Variants in POU6F2 observed in about 807,000 individuals in gnomAD.
POU6F2 encodes POU class 6 homeobox 2, also known as POU domain, class 6, transcription factor 2.
POU6F2 carries 31 observed loss-of-function variants against 71.3 expected under a neutral mutation model. The ratio of observed to expected loss-of-function variants is 0.43; its 90% CI spans 0.33 to 0.59. The LOEUF (loss-of-function observed/expected upper bound fraction) is 0.59, where lower values mean the gene tolerates loss of function less well. POU6F2 is among the 20% of genes least tolerant of loss of function. POU6F2 has a pLI of 0.04. For synonymous variants in POU6F2, 347 were observed against 355.7 expected (o/e 0.98, Z 0.27); for missense variants, 783 against 856.8 (o/e 0.91, Z 1.07).
intron 1 of POU6F2, among the ~76,000 whole-genome samples, chr7:39,030,083 T>C (rs988478914): frequency 4.0e-4 from 61 of 152,204 alleles, no homozygotes; most frequent in African/African-American, 1.4e-3. Context: ...TTTAAAAGGC[T>C]TTTTAAAAAT....
chr7:39,143,866 A>G lies in POU6F2; in HGVS notation c.277+57835A>G, dbSNP rs533982403. Among the ~76,000 whole-genome samples the G allele has an allele frequency of 2.0e-5, 3 of 152,360 alleles. No individual in the cohort carries two copies. The South Asian group carries it at 6.2e-4, about 32-fold the overall frequency. On this transcript the variant is annotated intron_variant, in intron 2 of 9. Coordinates refer to ENST00000518318, the MANE Select transcript of POU6F2 (RefSeq NM_001370959.1). ...GAAGGATTATTGAACTACGTCAATT[A>G]TTGAAGAAACTGAATTCCTGAGAAA...
chr7:39,405,675 C>T (rs1270364473), intron 5 of POU6F2, among the ~76,000 whole-genome samples: 1 of 152,124 alleles, frequency 6.6e-6, no homozygotes, highest in Non-Finnish European at 1.5e-5. Context: ...TAGTCATTAA[C>T]CTAAATGCAG....
chr7:39,153,517 A>T (rs1792801896), intron 2 of POU6F2, among the ~76,000 whole-genome samples: 1 of 152,220 alleles, frequency 6.6e-6, no homozygotes, highest in Non-Finnish European at 1.5e-5. Flanking sequence ...GAGATTCTAG[A>T]TGTCAACAGA....
At chr7:39,331,699 C>T (rs944690500) in intron 4 of POU6F2, among the ~76,000 whole-genome samples, 4 of 152,036 alleles carry the variant, frequency 2.6e-5, no homozygotes, top group African/African-American at 2.4e-5. Flanking sequence ...TTAGTAGAGA[C>T]GGGGTTTCAC....
At chr7:39,343,615 T>G (rs190703123) in intron 5 of POU6F2, among the ~76,000 whole-genome samples, 109 of 152,142 alleles carry the variant, frequency 7.2e-4, no homozygotes, top group African/African-American at 2.6e-3. Flanking sequence ...TCTTGAGTGG[T>G]CTGGAGATAT....
At chr7:39,154,896 T>C (rs1343361071) in intron 2 of POU6F2, among the ~76,000 whole-genome samples, 1 of 152,092 alleles carries the variant, frequency 6.6e-6, no homozygotes, top group African/African-American at 2.4e-5. Context: ...GGCCCGGAAA[T>C]AGTAAAATAG....
chr7:39,397,485 T>C (rs373874526), intron 5 of POU6F2, among the ~76,000 whole-genome samples: 57,549 of 145,162 alleles, frequency 0.4, 11,940 homozygotes, highest in East Asian at 0.7. Flanking sequence ...GAGACATATA[T>C]ATATATATAT....
rs1201792840 is a variant in POU6F2, at chr7:39,207,379, T to G, written c.370-13T>G. 1 of 1,612,304 alleles carries G rather than the reference T, an allele frequency of 6.2e-7. No homozygotes were observed. The highest frequency in any genetic ancestry group is 1.7e-5 in the Admixed American group (1 of 59,984). ...CACAGGAAAGTGAGCTAGCTGTATC[T>G]GTTTCCTTGCAGCCACTTCTGACGG... On this transcript the variant is annotated splice_polypyrimidine_tract_variant and intron_variant, in intron 3 of 9. Coordinates refer to ENST00000518318, the MANE Select transcript of POU6F2 (RefSeq NM_001370959.1).
At chr7:39,212,054 T>C (rs571334561) in intron 4 of POU6F2, among the ~76,000 whole-genome samples, 10 of 152,316 alleles carry the variant, frequency 6.6e-5, no homozygotes, top group African/African-American at 2.4e-4. Context: ...AGAGAGAAAT[T>C]ACCATGAGGC....
intron 4 of POU6F2, among the ~76,000 whole-genome samples, chr7:39,324,133 G>T (rs890962246): frequency 1.3e-5 from 2 of 150,912 alleles, no homozygotes; most frequent in African/African-American, 4.9e-5. Context: ...AAAAAAAAAG[G>T]CTCTTGCAGT....
At chr7:39,345,669 T>C (rs1374044075) in intron 5 of POU6F2, among the ~76,000 whole-genome samples, 1 of 152,222 alleles carries the variant, frequency 6.6e-6, no homozygotes, top group Non-Finnish European at 1.5e-5. Context: ...GACAACATTC[T>C]CTCAGAGCAA....
chr7:39,302,269 G>A (rs1239429058), intron 4 of POU6F2, among the ~76,000 whole-genome samples: 2 of 152,024 alleles, frequency 1.3e-5, no homozygotes, highest in South Asian at 2.1e-4. Context: ...ACAACAGGGG[G>A]GATCTACCCC....
Position 39,350,453 on chromosome 7 carries a change from C to A in POU6F2, c.972+10438C>A, listed in dbSNP as rs374133224. ...TTTAATTAGATAAAATATAAATAATCTTGAACTCCTGTCTAAGGTTTAAAA... is the reference window on the plus strand; with the variant it reads ...TTTAATTAGATAAAATATAAATAATATTGAACTCCTGTCTAAGGTTTAAAA... On this transcript the variant is annotated intron_variant, in intron 5 of 9. Coordinates refer to ENST00000518318, the MANE Select transcript of POU6F2 (RefSeq NM_001370959.1). 7.9e-5 allele frequency among the ~76,000 whole-genome samples: 12 copies of A among 152,198 alleles called. 1 individual carries two copies. In the South Asian group the frequency reaches 1.5e-3, roughly 18 times the overall value.
rs578144125 is a variant in POU6F2 at position 39,048,563 on chromosome 7, G to A, written c.106-37297G>A. On this transcript the variant is annotated intron_variant, in intron 1 of 9. Coordinates refer to ENST00000518318, the MANE Select transcript of POU6F2 (RefSeq NM_001370959.1). ...TAATAGTCCATGGTGTATATGTACC[G>A]TGTTTTCTTTATCCAGTCTACCGTT... Among the ~76,000 whole-genome samples the A allele has an allele frequency of 2.0e-4, 30 of 151,920 alleles. 1 individual carries two copies. The highest frequency in any genetic ancestry group is 5.3e-4 in the Admixed American group (8 of 15,212).
At chr7:39,209,834 C>T (rs1794101999) in intron 4 of POU6F2, among the ~76,000 whole-genome samples, 2 of 152,120 alleles carry the variant, frequency 1.3e-5, no homozygotes, top group South Asian at 2.1e-4. Flanking sequence ...CAGTGGGACT[C>T]GGGATGGTGA....
At chr7:39,429,108 A>G (rs2116009401) in intron 6 of POU6F2, among the ~76,000 whole-genome samples, 1 of 51,770 alleles carries the variant, frequency 1.9e-5, no homozygotes, top group Middle Eastern at 7.9e-3. Flanking sequence ...AACTTAAAGC[A>G]TAATAATAAT....
At chr7:38,985,607 G>T (rs76512574) in intron 1 of POU6F2, among the ~76,000 whole-genome samples, 12,796 of 152,144 alleles carry the variant, frequency 0.084, 629 homozygotes, top group East Asian at 0.12. Flanking sequence ...AAAAATAAGA[G>T]ATTTTGTGAA....
intron 4 of POU6F2, among the ~76,000 whole-genome samples, chr7:39,222,045 C>G (rs898785149): frequency 6.6e-6 from 1 of 151,988 alleles, no homozygotes; most frequent in African/African-American, 2.4e-5. Context: ...TTTTCACCAC[C>G]AAAAGTTAGC....
At position 39,342,556 on chromosome 7, in the gene POU6F2, T is replaced by C. The variant is rs1785940872; in HGVS notation, c.972+2541T>C. Among the ~76,000 whole-genome samples, 4 of 152,226 alleles carry C rather than the reference T, an allele frequency of 2.6e-5. No individual in the cohort carries two copies. In the South Asian group the frequency reaches 6.2e-4, roughly 24 times the overall value. ...TGCTGGAGAGATATTAGTTTAGAAC[T>C]ATGCAATGTAGATTACCAGGGAAAG... On this transcript the variant is annotated intron_variant, in intron 5 of 9. Coordinates refer to ENST00000518318, the MANE Select transcript of POU6F2 (RefSeq NM_001370959.1).
Sources: gnomAD v4.1 joint callset for allele counts (sites outside exome capture counted in the v4.1 genomes callset) on GRCh38, gnomAD v4.1.1 for gene constraint, MANE v1.5 for transcripts, NCBI Gene and HGNC (gene_info 2026-07-23, HGNC 2026-07-21) for gene names.